ULK4: variants seen among roughly 807,000 people sequenced by gnomAD.
The protein encoded by ULK4 is unc-51 like kinase 4, also known as inactive serine/threonine-protein kinase ULK4.
ULK4 carries 133 observed loss-of-function variants against 160.6 expected under a neutral mutation model. The observed-to-expected ratio is 0.83, with a 90% CI of 0.72 to 0.96. The LOEUF (loss-of-function observed/expected upper bound fraction) is 0.96. ULK4 is among the 40% of genes least tolerant of loss of function. The probability of loss-of-function intolerance (pLI) is 0.00; values close to 1 mark genes in which losing one functional copy is unlikely to be tolerated. For synonymous variants in ULK4, 534 were observed against 539.8 expected (o/e 0.99, Z 0.15); for missense variants, 1,580 against 1,499.5 (o/e 1.05, Z -0.89).
intron 21 of ULK4, among the ~76,000 whole-genome samples, chr3:41,780,433 C>A (rs1174046781): frequency 6.6e-6 from 1 of 151,768 alleles, no homozygotes; most frequent in Non-Finnish European, 1.5e-5. Context: ...TATCGTGGCA[C>A]CCACCAAAGG....
chr3:41,808,845 T>C (rs575884850), intron 19 of ULK4, among the ~76,000 whole-genome samples: 1 of 152,158 alleles, frequency 6.6e-6, no homozygotes, highest in South Asian at 2.1e-4. Context: ...CCTCTCAGGG[T>C]TCTTGTCTAC....
intron 27 of ULK4, among the ~76,000 whole-genome samples, chr3:41,701,510 A>G (rs2036674923): frequency 6.6e-6 from 1 of 152,198 alleles, no homozygotes; most frequent in South Asian, 2.1e-4. Flanking sequence ...AATATCCCTC[A>G]AGGAAGAATG....
chr3:41,387,147 G>A (rs1173303079), intron 35 of ULK4, among the ~76,000 whole-genome samples: 1 of 152,076 alleles, frequency 6.6e-6, no homozygotes, highest in Admixed American at 6.6e-5. Context: ...TACACAGTAA[G>A]GTTTCGATAC....
chr3:41,916,112 T>C, intron 7 of ULK4, 60 bp from the exon 8 acceptor site: 1 of 1,075,502 alleles, frequency 9.3e-7, no homozygotes, highest in East Asian at 2.6e-5. Flanking sequence ...TCAATTTTAT[T>C]TTTATCTCTT....
chr3:41,671,343 T>A (rs1030839288), intron 29 of ULK4, among the ~76,000 whole-genome samples: 1 of 151,848 alleles, frequency 6.6e-6, no homozygotes, highest in Non-Finnish European at 1.5e-5. Context: ...TCAAAATATA[T>A]TACAAAGTTA....
At chr3:41,677,151 C>A (rs2035749805) in intron 29 of ULK4, among the ~76,000 whole-genome samples, 1 of 151,756 alleles carries the variant, frequency 6.6e-6, no homozygotes, top group Non-Finnish European at 1.5e-5. Context: ...TCCTGTGATC[C>A]ACCCACCTTG....
Position 41,688,695 on chromosome 3 carries a change from G to A in ULK4, c.2782-6891C>T, listed in dbSNP as rs575778338. ...AGTTTCAAATAAAACCGTCAGCCCT[G>A]TGTGCTATTAAGCAATTTAGTGTCC... On this transcript the variant is annotated intron_variant, in intron 27 of 36. Transcript: ENST00000301831. Among the ~76,000 whole-genome samples, 8 of 152,286 alleles carry A rather than the reference G, an allele frequency of 5.3e-5. No individual in the cohort carries two copies. The East Asian group carries it at 1.5e-3, about 29-fold the overall frequency.
chr3:41,923,702 C>T (rs1699281316), intron 5 of ULK4, among the ~76,000 whole-genome samples: 1 of 152,200 alleles, frequency 6.6e-6, no homozygotes, highest in Admixed American at 6.5e-5. Context: ...GACAGTGAAG[C>T]ACAATCTTCT....
At chr3:41,658,912 CCAAT>C (rs72385784) in intron 30 of ULK4, among the ~76,000 whole-genome samples, 17,281 of 151,940 alleles carry the variant, frequency 0.11, 1,112 homozygotes, top group African/African-American at 0.16. Context: ...GTCATATTCC[CCAAT>C]CAAACAGAAT....
chr3:41,689,801 G>T (rs1436506522), intron 27 of ULK4, among the ~76,000 whole-genome samples: 2 of 151,848 alleles, frequency 1.3e-5, no homozygotes, highest in Non-Finnish European at 2.9e-5. Flanking sequence ...ACAGGTGCTG[G>T]AGAGGAGGTG....
At chr3:41,353,341 T>A (rs729093) in intron 35 of ULK4, among the ~76,000 whole-genome samples, 80,634 of 151,922 alleles carry the variant, frequency 0.53, 22,912 homozygotes, top group African/African-American at 0.75. Flanking sequence ...TATTTTAACA[T>A]TCTGGAGCAG....
chr3:41,712,337 C>T (rs749757501), intron 25 of ULK4, among the ~76,000 whole-genome samples: 13 of 152,280 alleles, frequency 8.5e-5, no homozygotes, highest in South Asian at 2.1e-4. Context: ...ATCACACTAA[C>T]CCTGGCTGCT....
chr3:41,338,750 A>G (rs935154386), intron 35 of ULK4, among the ~76,000 whole-genome samples: 3 of 151,980 alleles, frequency 2.0e-5, no homozygotes, highest in Admixed American at 6.6e-5. Context: ...TAATACATCT[A>G]TATCACATAT....
chr3:41,607,396 A>T (rs1251357731), intron 31 of ULK4, among the ~76,000 whole-genome samples: 1 of 152,168 alleles, frequency 6.6e-6, no homozygotes, highest in Non-Finnish European at 1.5e-5. Flanking sequence ...GAGCAAAAAC[A>T]ATGATAAATT....
At chr3:41,428,323 G>A (rs1047210229) in intron 34 of ULK4, among the ~76,000 whole-genome samples, 28 of 152,202 alleles carry the variant, frequency 1.8e-4, no homozygotes, top group African/African-American at 5.1e-4. Flanking sequence ...AATAAATATC[G>A]TGAAAATGGC....
chr3:41,282,600 T>C (rs1175841201), intron 35 of ULK4, among the ~76,000 whole-genome samples: 1 of 152,200 alleles, frequency 6.6e-6, no homozygotes, highest in African/African-American at 2.4e-5. Flanking sequence ...TAGCCATATG[T>C]AGAAAGCTGA....
chr3:41,379,259 T>C (rs543835728), intron 35 of ULK4, among the ~76,000 whole-genome samples: 1 of 152,162 alleles, frequency 6.6e-6, no homozygotes, highest in East Asian at 1.9e-4. Flanking sequence ...AAAAAATACA[T>C]GTACTGTATG....
chr3:41,848,281 T>TCA (rs10662179), intron 17 of ULK4, among the ~76,000 whole-genome samples: 48,096 of 151,970 alleles, frequency 0.32, 11,238 homozygotes, highest in African/African-American at 0.66. Context: ...ATACAGTCTT[T>TCA]CAGTCATTTA....
At chr3:41,614,231 A>T (rs1235207048) in intron 31 of ULK4, among the ~76,000 whole-genome samples, 1 of 152,176 alleles carries the variant, frequency 6.6e-6, no homozygotes, top group African/African-American at 2.4e-5. Context: ...AAAAGGATGA[A>T]TCATGTAGAC....
Sources: allele counts gnomAD v4.1 joint callset (sites outside exome capture counted in the v4.1 genomes callset), GRCh38; gene constraint gnomAD v4.1.1; transcripts MANE v1.5; gene names NCBI Gene and HGNC (gene_info 2026-07-23, HGNC 2026-07-21).